RCAN1: variants seen among roughly 807,000 people sequenced by gnomAD.
The protein encoded by RCAN1 is regulator of calcineurin 1.
A neutral mutation model predicts 22.9 loss-of-function variants in RCAN1; 11 were observed. That is an observed-to-expected ratio of 0.48 (90% CI 0.30 to 0.79). The LOEUF is 0.79. Ranked by LOEUF, RCAN1 falls within the 30% of genes least tolerant of loss-of-function variation. The pLI is 0.06. For missense variants in RCAN1, 291 were observed against 337.8 expected, an observed-to-expected ratio of 0.86 and a Z score of 1.09; for synonymous variants, 136 against 142.3, an observed-to-expected ratio of 0.96 and a Z score of 0.32.
At chr21:34,609,667 C>T (rs1988632155) in intron 1 of RCAN1, among the ~76,000 whole-genome samples, 2 of 152,058 alleles carry the variant, frequency 1.3e-5, no homozygotes, top group Non-Finnish European at 2.9e-5. Context: ...GCTGGAAAAG[C>T]CTGAAGTTGC....
intron 1 of RCAN1, among the ~76,000 whole-genome samples, chr21:34,571,185 C>A (rs954919146): frequency 6.6e-6 from 1 of 152,170 alleles, no homozygotes; most frequent in Non-Finnish European, 1.5e-5. Context: ...CCCAGCTACT[C>A]GAGAGGCTGA....
At chr21:34,605,295 G>T (rs1055481210) in intron 1 of RCAN1, among the ~76,000 whole-genome samples, 1 of 152,198 alleles carries the variant, frequency 6.6e-6, no homozygotes, top group Non-Finnish European at 1.5e-5. Context: ...TAGACTCCAG[G>T]TTCTTCAGCT....
intron 3 of RCAN1, among the ~76,000 whole-genome samples, chr21:34,519,393 C>CTTTCT (rs1225797295): frequency 9.6e-5 from 11 of 114,442 alleles, no homozygotes; most frequent in Admixed American, 3.0e-4. Context: ...TTCTTTCTTT[C>CTTTCT]TTTCTTTTTT....
chr21:34,587,323 C>T (rs1398509798), intron 1 of RCAN1, among the ~76,000 whole-genome samples: 4 of 152,126 alleles, frequency 2.6e-5, no homozygotes, highest in African/African-American at 7.2e-5. Flanking sequence ...GAAAACTCTA[C>T]ACCCAGATAT....
intron 1 of RCAN1, among the ~76,000 whole-genome samples, chr21:34,610,704 T>C (rs576794090): frequency 3.9e-5 from 6 of 151,924 alleles, no homozygotes; most frequent in South Asian, 4.2e-4. Context: ...GGGTTTGGAG[T>C]GGCCTGGAAA....
rs573771273 is a variant in RCAN1 at position 34,544,858 on chromosome 21, C to T, written c.253-21148G>A. 9.5e-4 allele frequency among the ~76,000 whole-genome samples: 145 copies of T among 152,282 alleles called. 1 individual carries two copies. The South Asian group carries it at 9.7e-3, about 10-fold the overall frequency. On this transcript the variant is annotated intron_variant, in intron 1 of 3. Coordinates refer to ENST00000313806, the MANE Select transcript of RCAN1 (RefSeq NM_004414.7). Reference sequence around the variant, plus strand: ...AGCAAACAGCAGTGCGAGGGACGCACGTGGAAGAGGGGTAGTGAGGGCACC... The same window carrying T: ...AGCAAACAGCAGTGCGAGGGACGCATGTGGAAGAGGGGTAGTGAGGGCACC...
intron 1 of RCAN1, among the ~76,000 whole-genome samples, chr21:34,541,865 T>C (rs1445981982): frequency 2.0e-5 from 3 of 152,116 alleles, no homozygotes; most frequent in Admixed American, 2.0e-4. Context: ...ACCCAGGAAG[T>C]GGAGCTTGCA....
chr21:34,579,423 G>T (rs1987529238), intron 1 of RCAN1, among the ~76,000 whole-genome samples: 1 of 152,122 alleles, frequency 6.6e-6, no homozygotes. Context: ...CAATGTTAAA[G>T]ATAAAGGGTC....
chr21:34,519,385 C>A (rs1601120863), intron 3 of RCAN1, among the ~76,000 whole-genome samples: 1 of 126,066 alleles, frequency 7.9e-6, no homozygotes, highest in South Asian at 2.8e-4. Context: ...TTTTCTTTTT[C>A]TTTCTTTCTT....
intron 1 of RCAN1, among the ~76,000 whole-genome samples, chr21:34,525,857 C>T (rs73367120): frequency 0.051 from 7,740 of 152,018 alleles, 487 homozygotes; most frequent in African/African-American, 0.14. Context: ...CACTATGGTG[C>T]GAGCCCATAA....
intron 1 of RCAN1, among the ~76,000 whole-genome samples, chr21:34,528,973 G>C (rs530940743): frequency 6.6e-6 from 1 of 151,816 alleles, no homozygotes; most frequent in Non-Finnish European, 1.5e-5. Flanking sequence ...AAAAAAGAAC[G>C]GTGAGGTATT....
At chr21:34,608,258 C>T (rs1480173383) in intron 1 of RCAN1, among the ~76,000 whole-genome samples, 2 of 152,162 alleles carry the variant, frequency 1.3e-5, no homozygotes, top group East Asian at 3.8e-4. Flanking sequence ...GTCCCTGGTA[C>T]CAAAAATGTT....
At position 34,567,554 on chromosome 21, in the gene RCAN1, CAAAAA is replaced by C. The variant is rs1163824625; in HGVS notation, c.253-43849_253-43845del. 4.3e-5 allele frequency among the ~76,000 whole-genome samples: 3 copies of C among 70,312 alleles called. No individual in the cohort carries two copies. The East Asian group carries it at 1.1e-3, about 26-fold the overall frequency. 46.1% of individuals were successfully genotyped at this position (70,312 alleles called of 152,430 possible). On this transcript the variant is annotated intron_variant, in intron 1 of 3. Transcript: ENST00000313806. Reference sequence around the variant, plus strand: ...TGGAAGACAGAGTGAGACTCCATCTCAAAAAAAAAAAAAAAAGAAAGAAACTCCTG... The same window carrying C: ...TGGAAGACAGAGTGAGACTCCATCTCAAAAAAAAAAAGAAAGAAACTCCTG...
chr21:34,547,564 T>C (rs1390795234), intron 1 of RCAN1, among the ~76,000 whole-genome samples: 1 of 152,158 alleles, frequency 6.6e-6, no homozygotes, highest in Non-Finnish European at 1.5e-5. Context: ...CCCAAAAGTT[T>C]ATGTGTTAGA....
Position 34,614,658 on chromosome 21 carries a change from C to T in RCAN1, c.252+102G>A, listed in dbSNP as rs1988769466. The T allele has an allele frequency of 8.6e-7, 1 of 1,165,810 alleles. No homozygotes were observed. 72.2% of individuals were successfully genotyped at this position (1,165,810 alleles called of 1,614,324 possible). ...AGCCCGGGGGACGTCGCTGCCTCCC[C>T]GCCCCGCGCGCGGCCGGGACTGGGC... is the stretch of plus-strand genomic sequence containing the variant. On this transcript the variant is annotated intron_variant, in intron 1 of 3. Coordinates refer to ENST00000313806, the MANE Select transcript of RCAN1 (RefSeq NM_004414.7). The surrounding 1 kb of genome is among the most constrained non-coding windows in gnomAD (Gnocchi z 6.0).
intron 1 of RCAN1, among the ~76,000 whole-genome samples, chr21:34,558,577 C>T (rs1340652490): frequency 6.6e-6 from 1 of 152,240 alleles, no homozygotes; most frequent in Non-Finnish European, 1.5e-5. Flanking sequence ...TTTCTAACAA[C>T]CAAGAGGCTA....
chr21:34,518,318 A>T lies in RCAN1; in HGVS notation c.587-62T>A, dbSNP rs182357625. 2 of 1,562,062 alleles carry T rather than the reference A, an allele frequency of 1.3e-6. No individual in the cohort carries two copies. The highest frequency in any genetic ancestry group is 1.7e-6 in the Non-Finnish European group (2 of 1,146,484). ...AGTCCTTGGGAGTCAAAAGGCAAAC[A>T]TAAAAGAGCATTCAGGGCTCTGCTG... On this transcript the variant is annotated intron_variant, in intron 3 of 3. Coordinates refer to ENST00000313806, the MANE Select transcript of RCAN1 (RefSeq NM_004414.7). This position sits in a 1 kb window ranked among gnomAD's most constrained non-coding sequence, Gnocchi z 4.2.
At chr21:34,613,199 T>C (rs770648524) in intron 1 of RCAN1, among the ~76,000 whole-genome samples, 60 of 152,210 alleles carry the variant, frequency 3.9e-4, no homozygotes, top group Non-Finnish European at 7.3e-5. Flanking sequence ...GATCATCTTA[T>C]GGAAAATAGC....
intron 1 of RCAN1, among the ~76,000 whole-genome samples, chr21:34,548,124 T>C (rs57976062): frequency 0.24 from 36,685 of 152,122 alleles, 5,163 homozygotes; most frequent in African/African-American, 0.39. Flanking sequence ...GCACCTAGAA[T>C]AGGGCATTTT....
Sources: gnomAD v4.1 joint callset for allele counts (sites outside exome capture counted in the v4.1 genomes callset) on GRCh38, gnomAD v4.1.1 for gene constraint, Gnocchi (gnomAD v3.1) non-coding constraint, MANE v1.5 for transcripts, NCBI Gene and HGNC (gene_info 2026-07-23, HGNC 2026-07-21) for gene names.